ENTREP2: variants seen among roughly 807,000 people sequenced by gnomAD.
The protein encoded by ENTREP2 is endosomal transmembrane epsin interactor 2.
chr15:29,307,191 C>G, the ENTREP2 span, among the ~76,000 whole-genome samples: 1 of 151,904 alleles, frequency 6.6e-6, no homozygotes, highest in Non-Finnish European at 1.5e-5. Flanking sequence ...GTGTTCTATC[C>G]TTCCTTTTAT....
At chr15:29,130,932 TC>T in the ENTREP2 span, among the ~76,000 whole-genome samples, 1 of 152,298 alleles carries the variant, frequency 6.6e-6, no homozygotes, top group South Asian at 2.1e-4. Flanking sequence ...TAAACACAGC[TC>T]CTTACAGAAG....
the ENTREP2 span, among the ~76,000 whole-genome samples, chr15:29,145,388 C>A: frequency 1.3e-5 from 2 of 151,892 alleles, no homozygotes; most frequent in Non-Finnish European, 2.9e-5. Flanking sequence ...TTTGGGAGGC[C>A]GAGGTGGGCA....
chr15:29,447,181 A>C, the ENTREP2 span, among the ~76,000 whole-genome samples: 1 of 152,244 alleles, frequency 6.6e-6, no homozygotes, highest in African/African-American at 2.4e-5. Context: ...TTTTAATTGA[A>C]TATTAAAAAT....
the ENTREP2 span, among the ~76,000 whole-genome samples, chr15:29,176,659 G>A: frequency 1.7e-4 from 26 of 152,336 alleles, no homozygotes; most frequent in African/African-American, 5.8e-4. Flanking sequence ...CCCATGGCCC[G>A]CAGACCCTGT....
chr15:29,174,710 C>CAAAAAAAA, the ENTREP2 span, among the ~76,000 whole-genome samples: 1 of 136,018 alleles, frequency 7.4e-6, no homozygotes, highest in African/African-American at 3.0e-5. Context: ...AACAAAACAA[C>CAAAAAAAA]AAAAAAAAAA....
the ENTREP2 span, among the ~76,000 whole-genome samples, chr15:29,666,566 C>A: frequency 1.3e-5 from 2 of 152,306 alleles, no homozygotes; most frequent in East Asian, 3.9e-4. Flanking sequence ...CTGCTCCCTG[C>A]TTACAATAAC....
the ENTREP2 span, among the ~76,000 whole-genome samples, chr15:29,330,167 G>C: frequency 4.8e-3 from 734 of 152,112 alleles, 4 homozygotes; most frequent in African/African-American, 0.017. Flanking sequence ...GGCCGAGCGC[G>C]GCAGCTCATG....
the ENTREP2 span, among the ~76,000 whole-genome samples, chr15:29,137,926 A>G: frequency 6.6e-6 from 1 of 151,310 alleles, no homozygotes; most frequent in African/African-American, 2.4e-5. Context: ...AAATGTCCCC[A>G]CCCCACCCCA....
the ENTREP2 span, among the ~76,000 whole-genome samples, chr15:29,429,831 TG>T: frequency 6.6e-6 from 1 of 152,140 alleles, no homozygotes; most frequent in Non-Finnish European, 1.5e-5. Flanking sequence ...ACCTCCATGA[TG>T]GGGTGAGGAT....
chr15:29,530,709 C>T, the ENTREP2 span, among the ~76,000 whole-genome samples: 1 of 152,220 alleles, frequency 6.6e-6, no homozygotes, highest in African/African-American at 2.4e-5. Flanking sequence ...TGCCTAAGCA[C>T]AGAAACATAC....
At chr15:29,377,065 C>G in the ENTREP2 span, 2 of 152,164 alleles carry the variant, frequency 1.3e-5, no homozygotes, top group Non-Finnish European at 2.9e-5. Flanking sequence ...AGTGTGCCCC[C>G]CTGGGAATGA....
the ENTREP2 span, among the ~76,000 whole-genome samples, chr15:29,255,512 T>C: frequency 1.3e-5 from 2 of 152,064 alleles, no homozygotes; most frequent in African/African-American, 4.8e-5. Context: ...GCAATCCCAT[T>C]ACTAGGTATA....
the ENTREP2 span, among the ~76,000 whole-genome samples, chr15:29,573,980 T>C: frequency 1.1e-4 from 16 of 152,100 alleles, 1 homozygote; most frequent in African/African-American, 2.9e-4. Flanking sequence ...AGTGAGTTGA[T>C]TTCATGGGAG....
At chr15:29,270,553 A>G in the ENTREP2 span, among the ~76,000 whole-genome samples, 108 of 152,206 alleles carry the variant, frequency 7.1e-4, 1 homozygote, top group African/African-American at 2.6e-3. Flanking sequence ...ACAAACGTGC[A>G]CTCTCAAGAG....
At chr15:29,326,437 G>A in the ENTREP2 span, among the ~76,000 whole-genome samples, 15 of 151,908 alleles carry the variant, frequency 9.9e-5, no homozygotes, top group African/African-American at 3.6e-4. Flanking sequence ...ATGAAAAATT[G>A]GAATTTGAAA....
At chr15:29,494,203 G>GA in the ENTREP2 span, among the ~76,000 whole-genome samples, 62,575 of 147,516 alleles carry the variant, frequency 0.42, 13,261 homozygotes, top group African/African-American at 0.51. Context: ...AAGACTATAG[G>GA]AAAAAAAAAA....
the ENTREP2 span, among the ~76,000 whole-genome samples, chr15:29,561,693 T>TATAATA: frequency 0.093 from 13,762 of 147,578 alleles, 676 homozygotes; most frequent in Middle Eastern, 0.18. Flanking sequence ...ATCTCAAAAT[T>TATAATA]ATAATAATAA....
At chr15:29,558,558 C>T in the ENTREP2 span, among the ~76,000 whole-genome samples, 1 of 150,360 alleles carries the variant, frequency 6.7e-6, no homozygotes, top group Non-Finnish European at 1.5e-5. Flanking sequence ...TGGGGCTTCC[C>T]AGGCAATCTC....
the ENTREP2 span, among the ~76,000 whole-genome samples, chr15:29,205,145 C>A: frequency 6.6e-6 from 1 of 152,162 alleles, no homozygotes; most frequent in Non-Finnish European, 1.5e-5. Context: ...TAGCACGTGT[C>A]GAGATTTCCT....
Sources: gnomAD v4.1 joint callset for allele counts (sites outside exome capture counted in the v4.1 genomes callset) on GRCh38, gnomAD v4.1.1 for gene constraint, MANE v1.5 for transcripts, NCBI Gene and HGNC (gene_info 2026-07-23, HGNC 2026-07-21) for gene names.